The following PDE1C variants were observed in gnomAD, a reference collection of about 807,000 sequenced individuals.
PDE1C encodes phosphodiesterase 1C, also known as dual specificity calcium/calmodulin-dependent 3',5'-cyclic nucleotide phosphodiesterase 1C.
PDE1C carries 62 observed loss-of-function variants against 93.1 expected under a neutral mutation model. The ratio of observed to expected loss-of-function variants is 0.67; its 90% CI spans 0.54 to 0.82. The LOEUF (loss-of-function observed/expected upper bound fraction) is 0.82. Among genes scored for constraint, PDE1C ranks in the 40% least tolerant of loss-of-function variants. The probability of loss-of-function intolerance (pLI) is 0.00; values close to 1 mark genes in which losing one functional copy is unlikely to be tolerated. For missense variants in PDE1C, 742 were observed against 884.6 expected, an observed-to-expected ratio of 0.84 and a Z score of 2.04; for synonymous variants, 325 against 310.1, an observed-to-expected ratio of 1.05 and a Z score of -0.50.
chr7:31,655,520 CT>C, the PDE1C span, among the ~76,000 whole-genome samples: 1 of 152,260 alleles, frequency 6.6e-6, no homozygotes, highest in African/African-American at 2.4e-5. Context: ...CCAGAAAGTA[CT>C]TTTAGAATAA....
At chr7:31,801,196 A>G (rs1785980982) in intron 16 of PDE1C, among the ~76,000 whole-genome samples, 1 of 151,370 alleles carries the variant, frequency 6.6e-6, no homozygotes, top group Admixed American at 6.6e-5. Context: ...AATGGTGATG[A>G]TTAATAAAAT....
chr7:31,620,192 C>T, the PDE1C span, among the ~76,000 whole-genome samples: 2 of 152,074 alleles, frequency 1.3e-5, no homozygotes, highest in Admixed American at 6.5e-5. Flanking sequence ...CACAGACAAA[C>T]AAAAAGACAG....
chr7:31,837,467 A>AT (rs1401566629), intron 10 of PDE1C, among the ~76,000 whole-genome samples, 167 bp from the exon 11 acceptor site: 1 of 152,212 alleles, frequency 6.6e-6, no homozygotes, highest in East Asian at 1.9e-4. Flanking sequence ...TGGGATACTC[A>AT]TTAACTTGGT....
chr7:32,184,458 T>C (rs1803696770), intron 2 of PDE1C, among the ~76,000 whole-genome samples: 2 of 152,168 alleles, frequency 1.3e-5, no homozygotes, highest in Admixed American at 6.5e-5. Flanking sequence ...CACCATGGAA[T>C]ACTATGCAGC....
chr7:31,881,716 G>C (rs753146825), intron 2 of PDE1C, among the ~76,000 whole-genome samples: 10 of 152,206 alleles, frequency 6.6e-5, no homozygotes, highest in Non-Finnish European at 1.3e-4. Flanking sequence ...CTTATTAGCT[G>C]TGCAACCCTA....
chr7:32,313,777 G>A (rs215621), intron 1 of PDE1C, among the ~76,000 whole-genome samples: 125,455 of 126,982 alleles, frequency 0.99, 61,993 homozygotes, highest in Middle Eastern at 1. Context: ...GGGGGGAGGG[G>A]TAGCATTAGG....
the PDE1C span, chr7:31,644,046 T>G: frequency 5.0e-6 from 6 of 1,203,276 alleles, 1 homozygote; most frequent in South Asian, 9.1e-5. Flanking sequence ...GAATGCAAGA[T>G]CTCAGGGCAA....
chr7:31,731,978 A>C, the PDE1C span, among the ~76,000 whole-genome samples: 1 of 152,196 alleles, frequency 6.6e-6, no homozygotes, highest in Non-Finnish European at 1.5e-5. Context: ...TTGGAGGAGG[A>C]AATACTGATG....
At chr7:32,357,652 T>A (rs1021581117) in intron 1 of PDE1C, among the ~76,000 whole-genome samples, 31 of 152,194 alleles carry the variant, frequency 2.0e-4, no homozygotes, top group African/African-American at 6.8e-4. Flanking sequence ...AAACTCACTG[T>A]AACAAGCCCC....
intron 3 of PDE1C, among the ~76,000 whole-genome samples, chr7:32,159,533 G>T (rs1801782041): frequency 1.3e-5 from 2 of 152,184 alleles, no homozygotes; most frequent in South Asian, 2.1e-4. Context: ...GTGACATATG[G>T]TGTTTTTGAG....
intron 2 of PDE1C, among the ~76,000 whole-genome samples, chr7:32,204,630 C>T (rs4141111): frequency 0.99 from 150,555 of 152,328 alleles, 74,415 homozygotes; most frequent in Middle Eastern, 1. Flanking sequence ...CATGTGGCCA[C>T]GTCTGAACAC....
intron 1 of PDE1C, among the ~76,000 whole-genome samples, chr7:32,350,661 T>C (rs1255898491): frequency 1.4e-4 from 1 of 7,106 alleles, no homozygotes; most frequent in Non-Finnish European, 8.4e-4. Context: ...TAGTTACATA[T>C]GTATACATGT....
At chr7:32,071,627 G>T (rs1796068214), upstream of PDE1C, among the ~76,000 whole-genome samples, 1 of 152,168 alleles carries the variant, frequency 6.6e-6, no homozygotes, top group African/African-American at 2.4e-5. Flanking sequence ...TGGCTGGGCG[G>T]CTGTGGATGG....
chr7:32,110,728 G>T (rs1798594029), intron 3 of PDE1C, among the ~76,000 whole-genome samples: 1 of 152,180 alleles, frequency 6.6e-6, no homozygotes, highest in Non-Finnish European at 1.5e-5. Flanking sequence ...TGCCTGAGAA[G>T]AAACTACAAT....
chr7:32,336,759 A>C (rs751004902), intron 1 of PDE1C, among the ~76,000 whole-genome samples: 25 of 152,200 alleles, frequency 1.6e-4, no homozygotes, highest in Non-Finnish European at 2.1e-4. Context: ...TAACCTTTAC[A>C]CACTTGACAT....
intron 1 of PDE1C, among the ~76,000 whole-genome samples, chr7:32,393,502 T>C (rs1014849425): frequency 6.6e-6 from 1 of 152,196 alleles, no homozygotes; most frequent in Non-Finnish European, 1.5e-5. Flanking sequence ...TTTTTATATT[T>C]AAGTTAATCT....
At chr7:32,131,115 G>A (rs1799897510) in intron 3 of PDE1C, among the ~76,000 whole-genome samples, 1 of 152,062 alleles carries the variant, frequency 6.6e-6, no homozygotes. Flanking sequence ...ACAAGAACCT[G>A]TACACATGCC....
chr7:31,642,900 C>A, the PDE1C span: 1 of 1,613,988 alleles, frequency 6.2e-7, no homozygotes. Context: ...TGCTTGAGGC[C>A]ATGGAGGGGC....
intron 16 of PDE1C, among the ~76,000 whole-genome samples, chr7:31,781,606 C>T (rs929325761): frequency 2.0e-5 from 3 of 152,012 alleles, no homozygotes; most frequent in Admixed American, 6.6e-5. Context: ...CCCTTTACAG[C>T]TTTGAAGAGA....
Sources: allele counts gnomAD v4.1 joint callset (sites outside exome capture counted in the v4.1 genomes callset), GRCh38; gene constraint gnomAD v4.1.1; transcripts MANE v1.5; gene names NCBI Gene and HGNC (gene_info 2026-07-23, HGNC 2026-07-21).